Variants in ROBO2 observed in about 807,000 individuals in gnomAD.
ROBO2 encodes the protein roundabout guidance receptor 2.
A neutral mutation model predicts 160.8 loss-of-function variants in ROBO2; 53 were observed. That is an observed-to-expected ratio of 0.33 (90% CI 0.26 to 0.41). ROBO2 has a LOEUF of 0.41. Among genes scored for constraint, ROBO2 ranks in the 10% least tolerant of loss-of-function variants. The pLI is 1.00. For missense variants in ROBO2, 1,577 were observed against 1,722.4 expected (o/e 0.92, Z 1.49); for synonymous variants, 664 against 611.7 (o/e 1.09, Z -1.26).
At chr3:75,913,160 G>A (rs1474435467) in intron 1 of ROBO2, among the ~76,000 whole-genome samples, 7 of 152,012 alleles carry the variant, frequency 4.6e-5, no homozygotes. Flanking sequence ...CATTTTCAAG[G>A]TGCATTGCTT....
chr3:76,911,122 A>T (rs1015339143), intron 2 of ROBO2, among the ~76,000 whole-genome samples: 1 of 152,218 alleles, frequency 6.6e-6, no homozygotes, highest in Non-Finnish European at 1.5e-5. Context: ...TAAGAAATGA[A>T]AAAGTATGGT....
At chr3:76,875,420 C>T (rs142978577) in intron 2 of ROBO2, among the ~76,000 whole-genome samples, 3 of 152,266 alleles carry the variant, frequency 2.0e-5, no homozygotes, top group African/African-American at 7.2e-5. Flanking sequence ...TTATCACAAA[C>T]TTAGTGGTTT....
chr3:77,523,964 G>A (rs2090877522), intron 6 of ROBO2, among the ~76,000 whole-genome samples: 1 of 151,304 alleles, frequency 6.6e-6, no homozygotes, highest in Non-Finnish European at 1.5e-5. Flanking sequence ...CAGGAAAGGT[G>A]TGAGGGATTC....
intron 2 of ROBO2, among the ~76,000 whole-genome samples, chr3:75,974,693 A>C (rs2065089957): frequency 6.6e-6 from 1 of 151,522 alleles, no homozygotes; most frequent in Non-Finnish European, 1.5e-5. Flanking sequence ...TAATGTTTTC[A>C]ATTATTTGAG....
intron 2 of ROBO2, chr3:76,311,125 C>T (rs1055033632): frequency 9.9e-5 from 15 of 152,152 alleles, no homozygotes; most frequent in African/African-American, 3.6e-4. Context: ...GGAGCCGGAT[C>T]CGTGAGAAAT....
chr3:76,133,222 T>G (rs1386648032), intron 2 of ROBO2, among the ~76,000 whole-genome samples: 1 of 152,098 alleles, frequency 6.6e-6, no homozygotes, highest in Non-Finnish European at 1.5e-5. Context: ...GCCAGTAGTT[T>G]AGAAAATATA....
chr3:76,855,655 T>C (rs2069977655), intron 2 of ROBO2, among the ~76,000 whole-genome samples: 1 of 152,250 alleles, frequency 6.6e-6, no homozygotes, highest in Admixed American at 6.5e-5. Flanking sequence ...TTCATAAATC[T>C]GCCATGAACA....
intron 2 of ROBO2, among the ~76,000 whole-genome samples, chr3:76,525,356 T>G (rs193281606): frequency 6.6e-6 from 1 of 152,060 alleles, no homozygotes; most frequent in East Asian, 1.9e-4. Context: ...TCTAAATAGC[T>G]TATAAAACAC....
intron 2 of ROBO2, among the ~76,000 whole-genome samples, chr3:77,404,253 A>T (rs755287171): frequency 1.6e-4 from 25 of 151,912 alleles, no homozygotes; most frequent in Non-Finnish European, 5.9e-5. Context: ...TATAAACATT[A>T]AGTGTGTGTG....
chr3:76,474,297 A>AG (rs2107157664), intron 2 of ROBO2, among the ~76,000 whole-genome samples: 1 of 152,232 alleles, frequency 6.6e-6, no homozygotes, highest in Non-Finnish European at 1.5e-5. Context: ...AGAGTTCTAG[A>AG]TTTATCTTAG....
intron 2 of ROBO2, among the ~76,000 whole-genome samples, chr3:76,789,919 G>T (rs112918551): frequency 0.024 from 3,669 of 151,712 alleles, 139 homozygotes; most frequent in African/African-American, 0.083. Flanking sequence ...AAAGTAATTT[G>T]TAGAGCACAG....
intron 2 of ROBO2, among the ~76,000 whole-genome samples, chr3:77,158,629 G>A (rs1319871667): frequency 5.3e-5 from 8 of 152,078 alleles, no homozygotes; most frequent in Non-Finnish European, 1.0e-4. Context: ...ATAAATACTT[G>A]CAGTAGGTTT....
intron 2 of ROBO2, among the ~76,000 whole-genome samples, chr3:76,903,738 T>C (rs1170994535): frequency 6.6e-6 from 1 of 152,162 alleles, no homozygotes; most frequent in Non-Finnish European, 1.5e-5. Flanking sequence ...TGCTATTGAT[T>C]ATTCTTGTGT....
At chr3:77,525,161 G>T (rs1219462364) in intron 6 of ROBO2, among the ~76,000 whole-genome samples, 2 of 150,352 alleles carry the variant, frequency 1.3e-5, no homozygotes, top group Non-Finnish European at 3.0e-5. Context: ...GACCCAAGAG[G>T]CCATGCCCAT....
chr3:77,642,231 G>A (rs1180039787), intron 24 of ROBO2, among the ~76,000 whole-genome samples: 2 of 152,164 alleles, frequency 1.3e-5, no homozygotes, highest in Non-Finnish European at 2.9e-5. Context: ...TTTCCCGAGG[G>A]TGACATTCCC....
In ROBO2 at chr3:77,577,481, C is replaced by G. The variant is rs373594799; in HGVS notation, c.2204-9C>G. 6 of 1,613,062 alleles carry G rather than the reference C, an allele frequency of 3.7e-6. No homozygotes were observed. The African/African-American group carries it at 8.0e-5, about 22-fold the overall frequency. ...TAGTTTGCATTTATTCTAATTACTTCCTCTACAGCCCCAAGTGCCCCACCA... is the reference window on the plus strand; with the variant it reads ...TAGTTTGCATTTATTCTAATTACTTGCTCTACAGCCCCAAGTGCCCCACCA... On this transcript the variant is annotated splice_polypyrimidine_tract_variant and intron_variant, in intron 14 of 25. Coordinates refer to ENST00000461745, the Ensembl canonical transcript of ROBO2.
At chr3:76,595,284 C>T (rs922863788) in intron 2 of ROBO2, among the ~76,000 whole-genome samples, 1 of 151,776 alleles carries the variant, frequency 6.6e-6, no homozygotes, top group Non-Finnish European at 1.5e-5. Context: ...TATATATATA[C>T]ATAGAACACA....
chr3:76,513,731 T>C (rs1026842001), intron 2 of ROBO2, among the ~76,000 whole-genome samples: 1 of 152,150 alleles, frequency 6.6e-6, no homozygotes, highest in Non-Finnish European at 1.5e-5. Context: ...GAGAGATGAG[T>C]ATAATAAACT....
chr3:76,594,265 C>T (rs1307895768), intron 2 of ROBO2, among the ~76,000 whole-genome samples: 1 of 151,984 alleles, frequency 6.6e-6, no homozygotes, highest in Non-Finnish European at 1.5e-5. Context: ...CCTAACCTAA[C>T]CTAATGCTTT....
Sources: gnomAD v4.1 joint callset for allele counts (sites outside exome capture counted in the v4.1 genomes callset) on GRCh38, gnomAD v4.1.1 for gene constraint, MANE v1.5 for transcripts, NCBI Gene and HGNC (gene_info 2026-07-23, HGNC 2026-07-21) for gene names.